KIAA1217: variants seen among roughly 807,000 people sequenced by gnomAD.
KIAA1217 encodes sickle tail protein homolog.
In KIAA1217, 88 loss-of-function variants were observed where a neutral mutation model predicts 163.9. That is an observed-to-expected ratio of 0.54 (90% CI 0.45 to 0.64). The LOEUF (loss-of-function observed/expected upper bound fraction) is 0.64. Ranked by LOEUF, KIAA1217 falls within the 30% of genes least tolerant of loss-of-function variation. The pLI, the probability that KIAA1217 is intolerant of heterozygous loss-of-function variation, is 0.00. For synonymous variants in KIAA1217, 903 were observed against 923.1 expected, an observed-to-expected ratio of 0.98 and a Z score of 0.39; for missense variants, 2,372 against 2,475.0, an observed-to-expected ratio of 0.96 and a Z score of 0.88.
intron 2 of KIAA1217, among the ~76,000 whole-genome samples, chr10:24,248,267 C>G (rs6482378): frequency 0.38 from 58,445 of 152,034 alleles, 11,578 homozygotes; most frequent in East Asian, 0.62. Context: ...CCCATGTTTG[C>G]TTTGAATATG....
intron 3 of KIAA1217, among the ~76,000 whole-genome samples, chr10:24,414,155 G>C (rs1200632946): frequency 2.0e-5 from 3 of 152,154 alleles, no homozygotes; most frequent in Non-Finnish European, 2.9e-5. Context: ...ATTTATTTAA[G>C]GATCAAGATA....
chr10:24,458,530 G>A (rs1222624424), intron 5 of KIAA1217, among the ~76,000 whole-genome samples: 2 of 152,192 alleles, frequency 1.3e-5, no homozygotes, highest in African/African-American at 4.8e-5. Context: ...GGATTCAAAG[G>A]TCAGACCTCC....
At chr10:24,386,650 T>C (rs1407282454) in intron 3 of KIAA1217, among the ~76,000 whole-genome samples, 1 of 152,212 alleles carries the variant, frequency 6.6e-6, no homozygotes, top group Non-Finnish European at 1.5e-5. Context: ...CATAGCTCAC[T>C]GCAGCCTTGA....
chr10:24,098,662 C>T (rs2062259693), intron 2 of KIAA1217, among the ~76,000 whole-genome samples: 1 of 151,574 alleles, frequency 6.6e-6, no homozygotes, highest in East Asian at 1.9e-4. Context: ...GGCTGTTAGT[C>T]TGCTCAGACT....
At chr10:23,944,230 G>C (rs1843914915) in intron 1 of KIAA1217, among the ~76,000 whole-genome samples, 1 of 152,132 alleles carries the variant, frequency 6.6e-6, no homozygotes, top group African/African-American at 2.4e-5. Context: ...TTCAAGACCT[G>C]CCTGGGCAAC....
chr10:24,228,247 AC>A (rs1286145552), intron 2 of KIAA1217, among the ~76,000 whole-genome samples: 1 of 152,078 alleles, frequency 6.6e-6, no homozygotes, highest in African/African-American at 2.4e-5. Context: ...GGGCAGCAGA[AC>A]GAGACCCCTT....
At chr10:24,438,760 G>T (rs1356125173) in intron 5 of KIAA1217, among the ~76,000 whole-genome samples, 2 of 152,134 alleles carry the variant, frequency 1.3e-5, no homozygotes, top group Admixed American at 1.3e-4. Flanking sequence ...CTATAAAAGG[G>T]TCCCTGGTCC....
intron 2 of KIAA1217, among the ~76,000 whole-genome samples, chr10:24,081,579 A>G (rs1358879295): frequency 6.6e-6 from 1 of 152,036 alleles, no homozygotes; most frequent in East Asian, 1.9e-4. Flanking sequence ...CTTGCTTTTC[A>G]CCTGGCCCCC....
intron 1 of KIAA1217, among the ~76,000 whole-genome samples, chr10:23,704,011 A>C (rs1836668875): frequency 1.3e-5 from 2 of 150,488 alleles, no homozygotes; most frequent in Non-Finnish European, 3.0e-5. Flanking sequence ...GGAATAGAAC[A>C]TCAGGGTGGG....
intron 2 of KIAA1217, among the ~76,000 whole-genome samples, chr10:24,282,991 G>A (rs893198795): frequency 6.6e-6 from 1 of 151,740 alleles, no homozygotes; most frequent in African/African-American, 2.4e-5. Flanking sequence ...GTTCCATGAT[G>A]CCTGGATAAT....
chr10:24,411,166 A>T (rs969501443), intron 3 of KIAA1217, among the ~76,000 whole-genome samples: 1 of 152,212 alleles, frequency 6.6e-6, no homozygotes, highest in Non-Finnish European at 1.5e-5. Context: ...TGGTCCTGAC[A>T]TGCAATTGCT....
rs572752762 is a variant in KIAA1217 at position 24,012,651 on chromosome 10, TG to T, written c.-171+5279del. Among the ~76,000 whole-genome samples, 635 of 152,266 alleles carry T rather than the reference TG, an allele frequency of 4.2e-3. 5 individuals carry two copies. Among genetic ancestry groups the T allele is most frequent in the African/African-American group, 0.014 (588 of 41,576 alleles). The stretch of plus-strand genomic sequence containing the variant: ...AGTTTGTATTTAGTTGCTGGAACCC[TG>T]GAGACTGGGGACTTTTTTAAAAGGC... On this transcript the variant is annotated intron_variant, in intron 2 of 18. Transcript: ENST00000376462.
chr10:24,050,255 T>C (rs577156813), intron 2 of KIAA1217, among the ~76,000 whole-genome samples: 7 of 152,300 alleles, frequency 4.6e-5, no homozygotes, highest in Admixed American at 3.3e-4. Context: ...TTCTGTAGGT[T>C]GCCTGTTCAC....
chr10:23,962,610 A>G (rs988359782), intron 1 of KIAA1217, among the ~76,000 whole-genome samples: 2 of 152,218 alleles, frequency 1.3e-5, no homozygotes, highest in Non-Finnish European at 2.9e-5. Context: ...TTAGAAAACT[A>G]GTGACAGATT....
At chr10:24,412,604 A>G (rs1027286344) in intron 3 of KIAA1217, among the ~76,000 whole-genome samples, 3 of 152,142 alleles carry the variant, frequency 2.0e-5, no homozygotes, top group African/African-American at 7.2e-5. Flanking sequence ...CTTCCTGGAC[A>G]TCTCTTCCAT....
chr10:23,740,154 T>C (rs914762272), intron 1 of KIAA1217, among the ~76,000 whole-genome samples: 2 of 152,018 alleles, frequency 1.3e-5, no homozygotes, highest in Non-Finnish European at 2.9e-5. Context: ...TGATATGAGA[T>C]TCATCAGTGG....
intron 1 of KIAA1217, among the ~76,000 whole-genome samples, chr10:23,747,915 T>C (rs1839499834): frequency 6.6e-6 from 1 of 152,166 alleles, no homozygotes; most frequent in Non-Finnish European, 1.5e-5. Flanking sequence ...GAGAGCCAGT[T>C]TCTCTCCTCC....
At chr10:23,723,082 C>A (rs1283180956) in intron 1 of KIAA1217, among the ~76,000 whole-genome samples, 1 of 152,186 alleles carries the variant, frequency 6.6e-6, no homozygotes, top group Non-Finnish European at 1.5e-5. Context: ...TTTGACCAGT[C>A]ACTGGCCAGC....
chr10:24,366,735 T>C (rs1184442630), intron 2 of KIAA1217, among the ~76,000 whole-genome samples: 2 of 152,164 alleles, frequency 1.3e-5, no homozygotes, highest in Admixed American at 6.5e-5. Flanking sequence ...ACAATCAAGA[T>C]GGCAGCCTCA....
Sources: gnomAD v4.1 joint callset for allele counts (sites outside exome capture counted in the v4.1 genomes callset) on GRCh38, gnomAD v4.1.1 for gene constraint, MANE v1.5 for transcripts, NCBI Gene and HGNC (gene_info 2026-07-23, HGNC 2026-07-21) for gene names.